Variants in INPP4B observed in about 807,000 individuals in gnomAD.
INPP4B encodes the protein inositol polyphosphate 4-phosphatase type II.
A neutral mutation model predicts 122.5 loss-of-function variants in INPP4B; 55 were observed. The observed-to-expected ratio is 0.45, with a 90% CI of 0.36 to 0.56. The LOEUF (loss-of-function observed/expected upper bound fraction) is 0.56, where lower values mean the gene tolerates loss of function less well. INPP4B is among the 20% of genes least tolerant of loss of function. The pLI is 0.00. For missense variants in INPP4B, 1,000 were observed against 1,097.7 expected, an observed-to-expected ratio of 0.91 and a Z score of 1.26; for synonymous variants, 403 against 388.7, an observed-to-expected ratio of 1.04 and a Z score of -0.43.
At chr4:142,579,695 G>A (rs1734586805) in intron 2 of INPP4B, among the ~76,000 whole-genome samples, 1 of 151,596 alleles carries the variant, frequency 6.6e-6, no homozygotes. Flanking sequence ...ATGGAAACAT[G>A]TTTCTTCCTG....
chr4:142,391,570 C>T (rs1797680944), intron 7 of INPP4B, among the ~76,000 whole-genome samples: 1 of 151,738 alleles, frequency 6.6e-6, no homozygotes, highest in African/African-American at 2.4e-5. Flanking sequence ...TCAAAACAAA[C>T]AAAAAACAAA....
chr4:142,299,084 G>C (rs1366604271), intron 9 of INPP4B, among the ~76,000 whole-genome samples: 1 of 151,884 alleles, frequency 6.6e-6, no homozygotes, highest in Non-Finnish European at 1.5e-5. Flanking sequence ...TGTGTGCCTG[G>C]ATCACTCATT....
chr4:142,786,500 C>A (rs533483639), intron 1 of INPP4B, among the ~76,000 whole-genome samples: 1 of 152,188 alleles, frequency 6.6e-6, no homozygotes, highest in South Asian at 2.1e-4. Context: ...ATACTCTACC[C>A]TAAAGGAGGT....
chr4:142,715,868 A>T (rs577532768), intron 2 of INPP4B, among the ~76,000 whole-genome samples: 2 of 152,184 alleles, frequency 1.3e-5, no homozygotes, highest in Non-Finnish European at 2.9e-5. Flanking sequence ...AGCTGAGACC[A>T]TTTGAAGATT....
At chr4:142,348,639 G>T (rs1332595086) in intron 7 of INPP4B, among the ~76,000 whole-genome samples, 1 of 151,968 alleles carries the variant, frequency 6.6e-6, no homozygotes, top group African/African-American at 2.4e-5. Context: ...TAAGAGCTTG[G>T]TGACACATTA....
chr4:142,161,519 G>A (rs572194433), intron 16 of INPP4B, among the ~76,000 whole-genome samples: 1 of 151,954 alleles, frequency 6.6e-6, no homozygotes, highest in East Asian at 1.9e-4. Flanking sequence ...AATAATAATT[G>A]ATATTGCCAC....
intron 1 of INPP4B, among the ~76,000 whole-genome samples, chr4:142,789,863 G>A (rs559954371): frequency 7.8e-4 from 119 of 152,006 alleles, no homozygotes; most frequent in Non-Finnish European, 1.3e-3. Flanking sequence ...CACCAAAACA[G>A]CATGGTACTG....
chr4:142,152,066 CTTTTTTTTTTTTTT>C (rs572092121), intron 17 of INPP4B, among the ~76,000 whole-genome samples: 4 of 69,920 alleles, frequency 5.7e-5, no homozygotes, highest in Non-Finnish European at 7.8e-5. Flanking sequence ...TTTGTCTTTT[CTTTTTTTTTTTTTT>C]TTTTTTTTTT....
intron 1 of INPP4B, among the ~76,000 whole-genome samples, chr4:142,843,335 A>T (rs1231427466): frequency 6.6e-6 from 1 of 151,894 alleles, no homozygotes; most frequent in East Asian, 1.9e-4. Flanking sequence ...TATGCTCTAA[A>T]GAGCTCTCTA....
At chr4:142,639,499 G>T (rs1749909694) in intron 2 of INPP4B, among the ~76,000 whole-genome samples, 1 of 151,930 alleles carries the variant, frequency 6.6e-6, no homozygotes, top group Admixed American at 6.6e-5. Flanking sequence ...TTTCATCTAG[G>T]TTATCACATT....
chr4:142,150,976 T>C (rs1813604340), intron 17 of INPP4B, among the ~76,000 whole-genome samples: 1 of 152,232 alleles, frequency 6.6e-6, no homozygotes, highest in African/African-American at 2.4e-5. Context: ...TGTATCTGTA[T>C]TTCCATGAAT....
chr4:142,319,014 C>A (rs10031824), intron 7 of INPP4B, among the ~76,000 whole-genome samples: 1 of 152,146 alleles, frequency 6.6e-6, no homozygotes, highest in Non-Finnish European at 1.5e-5. Flanking sequence ...GGGAGGACAG[C>A]GAGGACTGCT....
At chr4:142,282,959 T>C (rs1007694219) in intron 9 of INPP4B, among the ~76,000 whole-genome samples, 4 of 152,046 alleles carry the variant, frequency 2.6e-5, no homozygotes, top group Admixed American at 2.6e-4. Context: ...ACCTTTGCCT[T>C]TTACTTTGAG....
intron 5 of INPP4B, among the ~76,000 whole-genome samples, chr4:142,427,728 A>G (rs1288001990): frequency 6.6e-6 from 1 of 152,016 alleles, no homozygotes; most frequent in East Asian, 1.9e-4. Context: ...GTGCTTGGAA[A>G]TATATCAAAT....
chr4:142,826,800 A>G, intron 1 of INPP4B, among the ~76,000 whole-genome samples: 1 of 152,170 alleles, frequency 6.6e-6, no homozygotes, highest in Non-Finnish European at 1.5e-5. Flanking sequence ...GAAAGAGTGA[A>G]TGACCCAGGA....
At chr4:142,623,785 T>G (rs994645822) in intron 2 of INPP4B, among the ~76,000 whole-genome samples, 1 of 151,356 alleles carries the variant, frequency 6.6e-6, no homozygotes, top group Non-Finnish European at 1.5e-5. Flanking sequence ...GTTCTCATTG[T>G]TCAATTCCCA....
At chr4:142,217,395 A>G (rs1029917293) in intron 12 of INPP4B, among the ~76,000 whole-genome samples, 1 of 152,192 alleles carries the variant, frequency 6.6e-6, no homozygotes, top group Non-Finnish European at 1.5e-5. Flanking sequence ...TGTTGACTGA[A>G]TAAATGAAGT....
At chr4:142,442,860 A>G (rs1219660840) in intron 3 of INPP4B, among the ~76,000 whole-genome samples, 6 of 152,316 alleles carry the variant, frequency 3.9e-5, no homozygotes, top group African/African-American at 1.4e-4. Flanking sequence ...AGTTCCATAC[A>G]GCTGGGGAGG....
chr4:142,090,757 A>G (rs1779163746), intron 23 of INPP4B, among the ~76,000 whole-genome samples: 1 of 152,180 alleles, frequency 6.6e-6, no homozygotes, highest in Non-Finnish European at 1.5e-5. Flanking sequence ...AAAAGTTACA[A>G]GAATGTTTAT....
Sources: allele counts gnomAD v4.1 joint callset (sites outside exome capture counted in the v4.1 genomes callset), GRCh38; gene constraint gnomAD v4.1.1; transcripts MANE v1.5; gene names NCBI Gene and HGNC (gene_info 2026-07-23, HGNC 2026-07-21).